The following FRMD5 variants were observed in gnomAD, a reference collection of about 807,000 sequenced individuals.
FRMD5 encodes FERM domain containing 5.
FRMD5 carries 20 observed loss-of-function variants against 69.0 expected under a neutral mutation model. The ratio of observed to expected loss-of-function variants is 0.29; its 90% confidence interval spans 0.20 to 0.42. The LOEUF is 0.42. FRMD5 is among the 10% of genes least tolerant of loss of function. FRMD5 has a pLI of 1.00. For missense variants in FRMD5, 595 were observed against 708.6 expected (o/e 0.84, Z 1.82); for synonymous variants, 271 against 260.1 (o/e 1.04, Z -0.40).
chr15:43,962,607 AAGCC>A (rs2090221094), intron 1 of FRMD5, among the ~76,000 whole-genome samples: 1 of 152,246 alleles, frequency 6.6e-6, no homozygotes, highest in Non-Finnish European at 1.5e-5. Flanking sequence ...AGTCAATCCT[AAGCC>A]AAAAGAACAA....
rs930640618 is a variant in FRMD5 at position 44,102,303 on chromosome 15, G to C, written c.102+92650C>G. 2.0e-5 allele frequency among the ~76,000 whole-genome samples: 3 copies of C among 152,212 alleles called. No individual in the cohort carries two copies. In the South Asian group the frequency reaches 6.2e-4, roughly 32 times the overall value. On this transcript the variant is annotated intron_variant, in intron 1 of 13. Coordinates refer to ENST00000417257, the MANE Select transcript of FRMD5 (RefSeq NM_032892.5). Reference sequence around the variant, plus strand: ...TGAAAAATATAGTCAAATCCAACAAGCATCAGTTGAGTTCCACTCAAGGAA... The same window carrying C: ...TGAAAAATATAGTCAAATCCAACAACCATCAGTTGAGTTCCACTCAAGGAA...
intron 1 of FRMD5, among the ~76,000 whole-genome samples, chr15:44,071,934 C>T (rs1018954908): frequency 1.3e-5 from 2 of 152,248 alleles, no homozygotes; most frequent in Admixed American, 6.5e-5. Context: ...GGTGCAATCT[C>T]GGCTCACTGC....
chr15:44,036,387 A>G (rs960975182), intron 1 of FRMD5, among the ~76,000 whole-genome samples: 2 of 151,750 alleles, frequency 1.3e-5, no homozygotes, highest in African/African-American at 4.8e-5. Context: ...GTCCCTTCTA[A>G]TTACTATTTC....
chr15:44,018,587 C>T (rs947502308), intron 1 of FRMD5, among the ~76,000 whole-genome samples: 2 of 152,160 alleles, frequency 1.3e-5, no homozygotes, highest in Non-Finnish European at 2.9e-5. Context: ...ATTCTCAGTC[C>T]ACAGGCACAG....
At chr15:43,904,780 C>A (rs1469775668) in intron 6 of FRMD5, among the ~76,000 whole-genome samples, 1 of 152,288 alleles carries the variant, frequency 6.6e-6, no homozygotes, top group East Asian at 1.9e-4. Context: ...TTTTTAAAAT[C>A]AGGCTTTGTA....
At chr15:44,024,823 C>G in intron 1 of FRMD5, among the ~76,000 whole-genome samples, 1 of 152,126 alleles carries the variant, frequency 6.6e-6, no homozygotes, top group South Asian at 2.1e-4. Context: ...GATAAAATAC[C>G]TGAAAGCTCT....
intron 1 of FRMD5, among the ~76,000 whole-genome samples, chr15:44,138,070 A>G (rs2077213264): frequency 1.3e-5 from 2 of 152,130 alleles, no homozygotes; most frequent in African/African-American, 4.8e-5. Context: ...CAACCACAAA[A>G]CTGATAGGCT....
At chr15:44,004,742 G>A (rs1342911974) in intron 1 of FRMD5, among the ~76,000 whole-genome samples, 1 of 152,170 alleles carries the variant, frequency 6.6e-6, no homozygotes, top group Non-Finnish European at 1.5e-5. Context: ...TGGCCTGTAA[G>A]TGTTCAAGTA....
At chr15:44,050,462 C>T (rs531296670) in intron 1 of FRMD5, among the ~76,000 whole-genome samples, 12 of 149,724 alleles carry the variant, frequency 8.0e-5, no homozygotes, top group African/African-American at 3.0e-4. Flanking sequence ...TGAGCTCAAG[C>T]TGTCCTCCTA....
At position 43,886,047 on chromosome 15, in the gene FRMD5, T is replaced by C. The variant is rs376613928; in HGVS notation, c.885-292A>G. ...TTACCAGGGGGACTGAGAGAATACATGCTCGGGTGGATGGTCTTGGGGAAT... is the reference window on the plus strand; with the variant it reads ...TTACCAGGGGGACTGAGAGAATACACGCTCGGGTGGATGGTCTTGGGGAAT... On this transcript the variant is annotated intron_variant, in intron 10 of 13. Transcript: ENST00000417257. Among the ~76,000 whole-genome samples, 126 of 152,304 alleles carry C rather than the reference T, an allele frequency of 8.3e-4. No individual in the cohort carries two copies. In the Middle Eastern group the frequency reaches 0.017, roughly 21 times the overall value.
At chr15:44,185,932 T>C (rs2078092956) in intron 1 of FRMD5, among the ~76,000 whole-genome samples, 1 of 152,036 alleles carries the variant, frequency 6.6e-6, no homozygotes, top group Non-Finnish European at 1.5e-5. Context: ...TTTTTGTCTG[T>C]TTGTTTGTTT....
rs565013886 is a variant in FRMD5 at position 44,165,217 on chromosome 15, G to A, written c.102+29736C>T. Reference sequence around the variant, plus strand: ...GCGGATCACCTGAGGTCAGGAGTTCGAGACCAGCCTGGCCAACATGGCGAA... The same window carrying A: ...GCGGATCACCTGAGGTCAGGAGTTCAAGACCAGCCTGGCCAACATGGCGAA... On this transcript the variant is annotated intron_variant, in intron 1 of 13. Coordinates refer to ENST00000417257, the MANE Select transcript of FRMD5 (RefSeq NM_032892.5). Among the ~76,000 whole-genome samples, 12 of 152,252 alleles carry A rather than the reference G, an allele frequency of 7.9e-5. No individual in the cohort carries two copies. The South Asian group carries it at 1.5e-3, about 18-fold the overall frequency.
At chr15:43,948,007 A>T (rs1446645987) in intron 1 of FRMD5, among the ~76,000 whole-genome samples, 3 of 152,106 alleles carry the variant, frequency 2.0e-5, no homozygotes, top group Non-Finnish European at 4.4e-5. Flanking sequence ...CTGAGTGCTA[A>T]CTCTGTGTCA....
chr15:44,061,163 C>A (rs1364107148), intron 1 of FRMD5, among the ~76,000 whole-genome samples: 1 of 152,176 alleles, frequency 6.6e-6, no homozygotes, highest in East Asian at 1.9e-4. Flanking sequence ...TGACTCCCTA[C>A]TCTTATGTGA....
At chr15:43,965,193 G>C (rs960625180) in intron 1 of FRMD5, among the ~76,000 whole-genome samples, 1 of 152,072 alleles carries the variant, frequency 6.6e-6, no homozygotes, top group Non-Finnish European at 1.5e-5. Context: ...TTGAAGGAAC[G>C]GGCAGAGACT....
intron 13 of FRMD5, among the ~76,000 whole-genome samples, chr15:43,874,897 C>G (rs143769299): frequency 0.017 from 2,528 of 151,100 alleles, 37 homozygotes; most frequent in Middle Eastern, 0.034. Context: ...GAGTAAGATT[C>G]CATCTTAAAA....
At chr15:43,879,329 G>T (rs1190342270) in intron 13 of FRMD5, among the ~76,000 whole-genome samples, 1 of 152,112 alleles carries the variant, frequency 6.6e-6, no homozygotes, top group African/African-American at 2.4e-5. Flanking sequence ...CACCTGTAAG[G>T]TGACCCTCCC....
intron 1 of FRMD5, among the ~76,000 whole-genome samples, chr15:43,929,965 G>A (rs2089647484): frequency 6.6e-6 from 1 of 152,164 alleles, no homozygotes; most frequent in South Asian, 2.1e-4. Context: ...CATCTTCTCA[G>A]GGCCATGGCA....
At chr15:43,929,898 C>T (rs1435809165) in intron 1 of FRMD5, among the ~76,000 whole-genome samples, 1 of 152,166 alleles carries the variant, frequency 6.6e-6, no homozygotes, top group Non-Finnish European at 1.5e-5. Flanking sequence ...TGCCAGGTTC[C>T]AGAGCAGATG....
Sources: gnomAD v4.1 joint callset for allele counts (sites outside exome capture counted in the v4.1 genomes callset) on GRCh38, gnomAD v4.1.1 for gene constraint, MANE v1.5 for transcripts, NCBI Gene and HGNC (gene_info 2026-07-23, HGNC 2026-07-21) for gene names.